PDE1C: variants seen among roughly 807,000 people sequenced by gnomAD.
The protein encoded by PDE1C is dual specificity calcium/calmodulin-dependent 3',5'-cyclic nucleotide phosphodiesterase 1C.
In PDE1C, 62 loss-of-function variants were observed where a neutral mutation model predicts 93.1. The ratio of observed to expected loss-of-function variants is 0.67; its 90% CI spans 0.54 to 0.82. The LOEUF is 0.82. Ranked by LOEUF, PDE1C falls within the 40% of genes least tolerant of loss-of-function variation. The pLI is 0.00. For missense variants in PDE1C, 742 were observed against 884.6 expected, an observed-to-expected ratio of 0.84 and a Z score of 2.04; for synonymous variants, 325 against 310.1, an observed-to-expected ratio of 1.05 and a Z score of -0.50.
At chr7:32,317,046 C>T (rs1290519047) in intron 1 of PDE1C, among the ~76,000 whole-genome samples, 1 of 152,154 alleles carries the variant, frequency 6.6e-6, no homozygotes, top group Non-Finnish European at 1.5e-5. Context: ...TCCACACACG[C>T]CTGAGGAATT....
At chr7:31,870,346 T>A in intron 6 of PDE1C, among the ~76,000 whole-genome samples, 1 of 150,506 alleles carries the variant, frequency 6.6e-6, no homozygotes, top group Admixed American at 6.6e-5. Context: ...ACAAAATAAA[T>A]AAATTGCTAG....
At chr7:31,871,963 T>C (rs1208928514) in intron 6 of PDE1C, among the ~76,000 whole-genome samples, 1 of 152,092 alleles carries the variant, frequency 6.6e-6, no homozygotes, top group African/African-American at 2.4e-5. Flanking sequence ...AGCTAAGATA[T>C]AGAATCAAGC....
At chr7:31,998,062 C>T (rs577416288) in intron 2 of PDE1C, among the ~76,000 whole-genome samples, 1 of 151,336 alleles carries the variant, frequency 6.6e-6, no homozygotes, top group East Asian at 1.9e-4. Context: ...CTCTGTTGCC[C>T]AGGCTGGAAT....
chr7:31,794,755 T>C (rs1276746865), intron 16 of PDE1C, among the ~76,000 whole-genome samples: 1 of 151,950 alleles, frequency 6.6e-6, no homozygotes, highest in East Asian at 1.9e-4. Flanking sequence ...TAAGCACCCT[T>C]GTCTGCACAA....
the PDE1C span, among the ~76,000 whole-genome samples, chr7:31,625,084 C>T: frequency 1.3e-5 from 2 of 152,166 alleles, no homozygotes; most frequent in African/African-American, 4.8e-5. Context: ...TATCATCTCA[C>T]ACCAGTTAGA....
chr7:32,408,058 G>C (rs1488365488), intron 1 of PDE1C, among the ~76,000 whole-genome samples: 5 of 152,162 alleles, frequency 3.3e-5, no homozygotes, highest in African/African-American at 1.2e-4. Flanking sequence ...CTCAGAACTA[G>C]AGAAGTATCT....
At chr7:32,035,112 G>A (rs568236142) in intron 2 of PDE1C, among the ~76,000 whole-genome samples, 138 of 152,032 alleles carry the variant, frequency 9.1e-4, no homozygotes, top group African/African-American at 2.7e-3. Flanking sequence ...AAAAGCCACC[G>A]AAATCCAACC....
chr7:31,637,004 C>T, the PDE1C span, among the ~76,000 whole-genome samples: 60 of 150,948 alleles, frequency 4.0e-4, no homozygotes, highest in South Asian at 0.011. Context: ...TTCATCCTTG[C>T]GATAGTTTGC....
At position 31,837,406 on chromosome 7, in the gene PDE1C, C is replaced by G. The variant is rs1791257557; in HGVS notation, c.1083-106G>C. 4 of 1,053,540 alleles carry G rather than the reference C, an allele frequency of 3.8e-6. No homozygotes were observed. In the East Asian group the frequency reaches 1.1e-4, roughly 30 times the overall value. The allele number at this position is 1,053,540 out of a possible 1,614,324, so 65.3% of individuals were successfully genotyped here. On this transcript the variant is annotated intron_variant, in intron 10 of 17. Coordinates refer to ENST00000396191, the MANE Select transcript of PDE1C (RefSeq NM_001191057.4). ...TTTAATCTCTTTTGTTCTTCCATCT[C>G]AAACCCCACTTCAGCTAAATTGAGG...
chr7:32,132,994 T>G (rs193280522), intron 3 of PDE1C, among the ~76,000 whole-genome samples: 123 of 152,266 alleles, frequency 8.1e-4, no homozygotes, highest in African/African-American at 2.7e-3. Flanking sequence ...TTAAGAGAGA[T>G]AAAATTTAGG....
chr7:31,842,727 C>CT (rs1674589827), intron 9 of PDE1C, among the ~76,000 whole-genome samples: 3 of 151,714 alleles, frequency 2.0e-5, no homozygotes, highest in Non-Finnish European at 4.4e-5. Context: ...TTAATTTTTT[C>CT]TTTTTATTTT....
chr7:31,906,841 T>A (rs1038859295), intron 2 of PDE1C, among the ~76,000 whole-genome samples: 2 of 152,202 alleles, frequency 1.3e-5, no homozygotes, highest in Non-Finnish European at 2.9e-5. Flanking sequence ...AAGAGTATCT[T>A]CCTCATAGAT....
chr7:32,126,600 A>G (rs1299588495), intron 3 of PDE1C, among the ~76,000 whole-genome samples: 1 of 152,178 alleles, frequency 6.6e-6, no homozygotes, highest in East Asian at 1.9e-4. Context: ...TCAGAAAAGG[A>G]GTATATCTGT....
intron 2 of PDE1C, among the ~76,000 whole-genome samples, chr7:31,989,883 A>C (rs1277074294): frequency 6.6e-6 from 1 of 152,222 alleles, no homozygotes; most frequent in Non-Finnish European, 1.5e-5. Flanking sequence ...CTCAACTAGA[A>C]AAACAAGGGA....
intron 2 of PDE1C, among the ~76,000 whole-genome samples, chr7:31,990,322 C>T (rs1784004196): frequency 6.6e-6 from 1 of 152,212 alleles, no homozygotes; most frequent in African/African-American, 2.4e-5. Context: ...AGTTCCCCCA[C>T]ATAAGCTTTC....
At chr7:31,912,634 C>T (rs1424698794) in intron 2 of PDE1C, among the ~76,000 whole-genome samples, 1 of 152,064 alleles carries the variant, frequency 6.6e-6, no homozygotes. Flanking sequence ...CTGCAGTGAG[C>T]TATGATCATG....
chr7:32,048,759 A>G (rs971194965), intron 2 of PDE1C, among the ~76,000 whole-genome samples: 2 of 152,202 alleles, frequency 1.3e-5, no homozygotes, highest in African/African-American at 4.8e-5. Flanking sequence ...GATCAGAAGC[A>G]CATGGATCTA....
chr7:31,750,027 C>T (rs562217500), downstream of PDE1C, among the ~76,000 whole-genome samples: 18 of 152,242 alleles, frequency 1.2e-4, 1 homozygote, highest in African/African-American at 3.4e-4. Context: ...TGAGCCACCC[C>T]GTCTGGCCCT....
rs945563829 is a variant in PDE1C, at chr7:32,203,221, TTTC to T, written c.136+6265_136+6267del. ...ATTTCTCAGTCGTTCCTCCCACATA[TTTC>T]TTCTTCTTCTTTTTGTCTTCATCCA... is the stretch of plus-strand genomic sequence containing the variant. On this transcript the variant is annotated intron_variant, in intron 2 of 18. Coordinates refer to the PDE1C transcript ENST00000396193. 5.3e-5 allele frequency among the ~76,000 whole-genome samples: 8 copies of T among 151,660 alleles called. No individual in the cohort carries two copies. In the South Asian group the frequency reaches 1.0e-3, roughly 20 times the overall value.
Sources: gnomAD v4.1 joint callset for allele counts (sites outside exome capture counted in the v4.1 genomes callset) on GRCh38, gnomAD v4.1.1 for gene constraint, MANE v1.5 for transcripts, NCBI Gene and HGNC (gene_info 2026-07-23, HGNC 2026-07-21) for gene names.